The following ABCG2 variants were observed in gnomAD, a reference collection of about 807,000 sequenced individuals.
The protein encoded by ABCG2 is ATP binding cassette subfamily G member 2 (JR blood group), also known as broad substrate specificity ATP-binding cassette transporter ABCG2.
A neutral mutation model predicts 73.5 loss-of-function variants in ABCG2; 80 were observed. The ratio of observed to expected loss-of-function variants is 1.09; its 90% CI spans 0.91 to 1.31. ABCG2 has a LOEUF of 1.31. ABCG2 is among the 50% of genes most tolerant of loss of function. ABCG2 has a pLI of 0.00. For missense variants in ABCG2, 796 were observed against 786.2 expected, an observed-to-expected ratio of 1.01 and a Z score of -0.15; for synonymous variants, 269 against 282.4, an observed-to-expected ratio of 0.95 and a Z score of 0.48.
intron 5 of ABCG2, among the ~76,000 whole-genome samples, chr4:88,124,313 A>G (rs553460123): frequency 6.9e-4 from 105 of 152,342 alleles, no homozygotes; most frequent in African/African-American, 2.5e-3. Flanking sequence ...ACACATAACA[A>G]TATTAACCTG....
chr4:88,203,199 G>A (rs1226827966), intron 1 of ABCG2, among the ~76,000 whole-genome samples: 1 of 152,158 alleles, frequency 6.6e-6, no homozygotes, highest in Admixed American at 6.5e-5. Flanking sequence ...CTGGAGAGGT[G>A]AGAAGAGAGT....
chr4:88,157,090 A>C (rs2110081114), intron 1 of ABCG2, among the ~76,000 whole-genome samples: 1 of 152,366 alleles, frequency 6.6e-6, no homozygotes, highest in East Asian at 1.9e-4. Flanking sequence ...CAATAAAGCA[A>C]GACTCAGTCT....
intron 1 of ABCG2, among the ~76,000 whole-genome samples, chr4:88,210,940 C>G (rs2110122808): frequency 6.6e-6 from 1 of 151,904 alleles, no homozygotes; most frequent in African/African-American, 2.4e-5. Flanking sequence ...GCGCAGATGC[C>G]ATGTTCTGCC....
chr4:88,154,124 G>A (rs910876259), intron 1 of ABCG2, among the ~76,000 whole-genome samples: 1 of 152,208 alleles, frequency 6.6e-6, no homozygotes, highest in African/African-American at 2.4e-5. Context: ...GTAGGTGGGA[G>A]TGACCAATGC....
At chr4:88,109,509 C>G (rs1275291585) in intron 9 of ABCG2, among the ~76,000 whole-genome samples, 1 of 152,182 alleles carries the variant, frequency 6.6e-6, no homozygotes, top group Non-Finnish European at 1.5e-5. Flanking sequence ...GTTATTCTTT[C>G]TGGCATTAAA....
chr4:88,175,241 A>G (rs1560737640), intron 1 of ABCG2, among the ~76,000 whole-genome samples: 2 of 152,310 alleles, frequency 1.3e-5, no homozygotes, highest in East Asian at 3.9e-4. Context: ...CAAAATTATA[A>G]ATCTAAAAAC....
chr4:88,199,900 G>A (rs764738309), intron 1 of ABCG2, among the ~76,000 whole-genome samples: 19 of 152,198 alleles, frequency 1.2e-4, no homozygotes, highest in Non-Finnish European at 1.9e-4. Flanking sequence ...ACTCCGGGAG[G>A]CTGAGGCGGG....
chr4:88,172,689 G>C (rs2110094194), intron 1 of ABCG2, among the ~76,000 whole-genome samples: 1 of 152,208 alleles, frequency 6.6e-6, no homozygotes, highest in Non-Finnish European at 1.5e-5. Flanking sequence ...AACCACTTAA[G>C]ATCTGGTCAG....
rs200374406 is a variant in ABCG2 at position 88,118,180 on chromosome 4, G to T, written c.770C>A (p.Thr257Asn). ...CATAAGTCTTCCTGAGGCCAATAAG[G>T]TGAGGCTATCAAACAACTTGAAGAT... The part of the protein sequence containing the change: ...YSIFKLFDSL[T>N]LLASGRLMFH... Residue 257 changes from threonine to asparagine, a missense_variant, in exon 7 of 16, where the codon ACC becomes AAC. Transcript: ENST00000237612. The T allele has an allele frequency of 6.2e-7, 1 of 1,614,142 alleles. No homozygotes were observed. The highest frequency in any genetic ancestry group is 8.5e-7 in the Non-Finnish European group (1 of 1,180,002).
At chr4:88,149,594 G>A (rs1726301468) in intron 1 of ABCG2, among the ~76,000 whole-genome samples, 1 of 152,200 alleles carries the variant, frequency 6.6e-6, no homozygotes, top group Non-Finnish European at 1.5e-5. Context: ...GTTCATGCCT[G>A]TAATGCCAGC....
rs536942828 is a variant in ABCG2, at chr4:88,094,649, T to C, written c.1748A>G (p.His583Arg). Residue 583 changes from histidine (H) to arginine (R), a missense_variant, in exon 15 of 16, where the codon CAT becomes CGT. By Grantham distance (29) the His-to-Arg change is conservative. Coordinates refer to ENST00000237612, the MANE Select transcript of ABCG2 (RefSeq NM_004827.3). ...IPRYGFTALQ[H>R]NEFLGQNFCP... ...GAAGTTTTGTCCCAAAAATTCATTA[T>C]GCTGCAAAGCCTATAACACAAGTGG... 6.0e-5 allele frequency: 97 copies of C among 1,613,712 alleles called. No individual in the cohort carries two copies. The South Asian group carries it at 6.4e-4, about 11-fold the overall frequency.
intron 1 of ABCG2, among the ~76,000 whole-genome samples, chr4:88,217,892 G>C (rs910897778): frequency 6.6e-6 from 1 of 151,058 alleles, no homozygotes; most frequent in Non-Finnish European, 1.5e-5. Flanking sequence ...CTTGAGCCCC[G>C]GTGTTTGAGG....
intron 1 of ABCG2, among the ~76,000 whole-genome samples, chr4:88,211,362 CA>C (rs200423647): frequency 0.15 from 8,903 of 60,636 alleles, 1,471 homozygotes; most frequent in East Asian, 0.33. Flanking sequence ...ACCCCTGCCC[CA>C]CCCCCCCCCA....
At position 88,176,477 on chromosome 4, in the gene ABCG2, CTTTTTTTT is replaced by C. The variant is rs34754034; in HGVS notation, c.-19-36471_-19-36464del. On this transcript the variant is annotated intron_variant, in intron 1 of 15. Transcript: ENST00000515655. ...TACAGTAATGAAACCAAAGAGAATG[CTTTTTTTT>C]TTTTTTTTTTTTTGTGACAGGGTCT... Among the ~76,000 whole-genome samples, 8 of 84,858 alleles carry C rather than the reference CTTTTTTTT, an allele frequency of 9.4e-5. No individual in the cohort carries two copies. The Admixed American group carries it at 1.3e-3, about 14-fold the overall frequency. 55.7% of individuals were successfully genotyped at this position (84,858 alleles called of 152,430 possible). A position where few individuals can be genotyped will look rare whatever the true frequency, so the allele number is the denominator to read the frequency against.
In ABCG2 at chr4:88,198,572, G is replaced by A. The variant is rs564633763; in HGVS notation, c.-20+32422C>T. Reference sequence around the variant, plus strand: ...CACTTGAGCCCAGGAGTTTGAGGCTGCAGTGAGCTATGATCATGTCACTGC... The same window carrying A: ...CACTTGAGCCCAGGAGTTTGAGGCTACAGTGAGCTATGATCATGTCACTGC... On this transcript the variant is annotated intron_variant, in intron 1 of 15. Coordinates refer to the ABCG2 transcript ENST00000515655. Among the ~76,000 whole-genome samples the A allele has an allele frequency of 2.0e-5, 3 of 152,214 alleles. No individual in the cohort carries two copies. The South Asian group carries it at 6.2e-4, about 32-fold the overall frequency.
At chr4:88,149,028 GAATT>G (rs1478454664) in intron 1 of ABCG2, among the ~76,000 whole-genome samples, 1 of 152,044 alleles carries the variant, frequency 6.6e-6, no homozygotes, top group Non-Finnish European at 1.5e-5. Context: ...AAATCTGCAG[GAATT>G]CTGCTCGTCT....
chr4:88,175,570 AC>A (rs1162390878), intron 1 of ABCG2, among the ~76,000 whole-genome samples: 5 of 152,208 alleles, frequency 3.3e-5, no homozygotes, highest in Admixed American at 6.5e-5. Flanking sequence ...ATTCTATATC[AC>A]AATCCAAAGG....
At chr4:88,170,251 C>A (rs369556510) in intron 1 of ABCG2, among the ~76,000 whole-genome samples, 39 of 152,188 alleles carry the variant, frequency 2.6e-4, no homozygotes, top group African/African-American at 9.2e-4. Context: ...TGTTTTAACA[C>A]TCTATTCCCT....
intron 9 of ABCG2, among the ~76,000 whole-genome samples, chr4:88,110,129 T>C (rs932084704): frequency 5.9e-5 from 9 of 152,138 alleles, no homozygotes; most frequent in Non-Finnish European, 1.0e-4. Context: ...TTATTTATCA[T>C]TGAATAAAAA....
Sources: allele counts gnomAD v4.1 joint callset (sites outside exome capture counted in the v4.1 genomes callset), GRCh38; gene constraint gnomAD v4.1.1; transcripts MANE v1.5; gene names NCBI Gene and HGNC (gene_info 2026-07-23, HGNC 2026-07-21).